PCDHA6: variants seen among roughly 807,000 people sequenced by gnomAD.
PCDHA6 encodes the protein protocadherin alpha 6.
In PCDHA6, 55 loss-of-function variants were observed where a neutral mutation model predicts 60.3. That is an observed-to-expected ratio of 0.91 (90% CI 0.73 to 1.14). The LOEUF (loss-of-function observed/expected upper bound fraction) is 1.14, where lower values mean the gene tolerates loss of function less well. Among genes scored for constraint, PCDHA6 ranks in the 50% most tolerant of loss-of-function variants. The pLI is 0.00. For missense variants in PCDHA6, 1,327 were observed against 1,256.5 expected, an observed-to-expected ratio of 1.06 and a Z score of -0.85; for synonymous variants, 652 against 557.9, an observed-to-expected ratio of 1.17 and a Z score of -2.38.
intron 1 of PCDHA6, among the ~76,000 whole-genome samples, chr5:140,908,772 A>G (rs2074146123): frequency 6.6e-6 from 1 of 152,144 alleles, no homozygotes; most frequent in East Asian, 1.9e-4. Flanking sequence ...CGTGTTGTAG[A>G]GTCTTCTCCT....
At chr5:140,869,892 A>G in intron 1 of PCDHA6, 1 of 1,610,608 alleles carries the variant, frequency 6.2e-7, no homozygotes, top group Non-Finnish European at 8.5e-7. Context: ...TTGTGCTCAA[A>G]CTAAACGCCA....
chr5:141,008,515 A>G (rs1430400139), intron 3 of PCDHA6, among the ~76,000 whole-genome samples: 1 of 152,126 alleles, frequency 6.6e-6, no homozygotes, highest in Non-Finnish European at 1.5e-5. Context: ...GTGTCTTCCA[A>G]TCAGACTCTT....
At chr5:140,858,250 G>C in intron 1 of PCDHA6, 1 of 1,596,872 alleles carries the variant, frequency 6.3e-7, no homozygotes, top group Non-Finnish European at 8.6e-7. Flanking sequence ...GGCCGGTGAA[G>C]CCCACGCTGG....
At chr5:140,854,919 A>G (rs1554147504) in intron 1 of PCDHA6, among the ~76,000 whole-genome samples, 1 of 150,004 alleles carries the variant, frequency 6.7e-6, no homozygotes, top group African/African-American at 2.4e-5. Context: ...GGTTGAAAGC[A>G]TTTGCCTCTG....
At chr5:140,877,260 G>C (rs1329010026) in intron 1 of PCDHA6, 3 of 1,613,652 alleles carry the variant, frequency 1.9e-6, no homozygotes, top group Non-Finnish European at 2.5e-6. Flanking sequence ...AAGTGCGCGC[G>C]GTGGACGCTG....
intron 1 of PCDHA6, chr5:140,851,041 G>A (rs1162904841): frequency 3.6e-6 from 5 of 1,393,834 alleles, no homozygotes; most frequent in Non-Finnish European, 4.7e-6. Context: ...TAACATTGGA[G>A]CCGACTTTGT....
At chr5:140,926,494 C>T (rs565938693) in intron 1 of PCDHA6, 46 of 181,758 alleles carry the variant, frequency 2.5e-4, no homozygotes, top group African/African-American at 1.0e-3. Flanking sequence ...GTGTTAGTGT[C>T]TCGGGGCGTC....
intron 1 of PCDHA6, chr5:140,877,603 C>G: frequency 6.2e-7 from 1 of 1,613,858 alleles, no homozygotes; most frequent in Non-Finnish European, 8.5e-7. Flanking sequence ...GTCCAGCCTG[C>G]TGGTGCTCAC....
At chr5:140,927,300 C>T (rs2084061617) in intron 1 of PCDHA6, 2 of 1,614,052 alleles carry the variant, frequency 1.2e-6, no homozygotes, top group South Asian at 2.2e-5. Flanking sequence ...TCCCCGAGTT[C>T]CTGACGCCCG....
At chr5:140,988,634 T>G (rs1405160822) in intron 3 of PCDHA6, among the ~76,000 whole-genome samples, 1 of 152,218 alleles carries the variant, frequency 6.6e-6, no homozygotes, top group Non-Finnish European at 1.5e-5. Flanking sequence ...GTCCTGGTTT[T>G]CTGAAATTAA....
chr5:140,950,247 A>G (rs1483854749), intron 1 of PCDHA6, among the ~76,000 whole-genome samples: 1 of 152,004 alleles, frequency 6.6e-6, no homozygotes, highest in East Asian at 1.9e-4. Flanking sequence ...ATTTGTTCCT[A>G]AAGAGCTGAG....
intron 1 of PCDHA6, among the ~76,000 whole-genome samples, chr5:140,900,826 A>G (rs1554189460): frequency 2.0e-5 from 3 of 152,224 alleles, no homozygotes. Flanking sequence ...CATTCCCACC[A>G]ACAATGTACA....
intron 1 of PCDHA6, among the ~76,000 whole-genome samples, chr5:140,950,285 C>T (rs1314594266): frequency 1.3e-5 from 2 of 151,926 alleles, no homozygotes; most frequent in African/African-American, 4.8e-5. Context: ...TTTGCTTCAA[C>T]CTGAAAAACT....
At chr5:140,926,925 G>A (rs1554203816) in intron 1 of PCDHA6, 1 of 1,574,118 alleles carries the variant, frequency 6.4e-7, no homozygotes, top group Admixed American at 1.8e-5. Flanking sequence ...TTTTATGTTT[G>A]TGGGTTTCCT....
At chr5:140,936,080 A>C (rs1252008478) in intron 1 of PCDHA6, among the ~76,000 whole-genome samples, 2 of 152,004 alleles carry the variant, frequency 1.3e-5, no homozygotes, top group African/African-American at 4.8e-5. Flanking sequence ...TTTAGTAGAG[A>C]CAGGGTTTCA....
intron 1 of PCDHA6, among the ~76,000 whole-genome samples, chr5:140,888,358 C>T (rs2061801167): frequency 6.6e-6 from 1 of 152,178 alleles, no homozygotes; most frequent in Non-Finnish European, 1.5e-5. Flanking sequence ...TTGCTACTGG[C>T]ATCTAATAAT....
intron 3 of PCDHA6, among the ~76,000 whole-genome samples, chr5:140,998,872 T>C (rs1159101161): frequency 6.6e-6 from 1 of 152,202 alleles, no homozygotes; most frequent in African/African-American, 2.4e-5. Flanking sequence ...TTGTAAATAA[T>C]AAGTTTAGTT....
intron 3 of PCDHA6, among the ~76,000 whole-genome samples, chr5:141,009,094 C>T (rs1350235475): frequency 6.6e-6 from 1 of 152,176 alleles, no homozygotes; most frequent in Non-Finnish European, 1.5e-5. Flanking sequence ...AAGAACCAAA[C>T]ATATGTTACT....
intron 1 of PCDHA6, 102 bp from the exon 2 acceptor site, chr5:140,978,847 G>GA: frequency 6.4e-7 from 1 of 1,570,216 alleles, no homozygotes; most frequent in Non-Finnish European, 8.6e-7. Context: ...TACTTTTTTA[G>GA]ATGCCTGGAA....
Sources: gnomAD v4.1 joint callset for allele counts (sites outside exome capture counted in the v4.1 genomes callset) on GRCh38, gnomAD v4.1.1 for gene constraint, MANE v1.5 for transcripts, NCBI Gene and HGNC (gene_info 2026-07-23, HGNC 2026-07-21) for gene names.